RDM1: variants seen among roughly 807,000 people sequenced by gnomAD.
RDM1 encodes the protein RAD52 motif-containing protein 1.
A neutral mutation model predicts 27.7 loss-of-function variants in RDM1; 28 were observed. The observed-to-expected ratio is 1.01, with a 90% CI of 0.75 to 1.39. The LOEUF is 1.39. Among genes scored for constraint, RDM1 ranks in the 40% most tolerant of loss-of-function variants. RDM1 has a pLI of 0.00. For missense variants in RDM1, 277 were observed against 337.3 expected (o/e 0.82, Z 1.40); for synonymous variants, 124 against 127.5 (o/e 0.97, Z 0.19).
chr17:35,926,572 T>G (rs1401469558), intron 2 of RDM1, among the ~76,000 whole-genome samples: 2 of 151,946 alleles, frequency 1.3e-5, no homozygotes, highest in Admixed American at 6.6e-5. Flanking sequence ...CCCGGCTAAT[T>G]TTTTGTATTT....
Position 35,922,626 on chromosome 17 carries a change from A to T in RDM1, c.618T>A (p.Ile206=). ...GGAATGCATCTGACAAAGCCTTCTGAATAGCAAGCTTCTGGGCTGTCTTCC... is the reference window on the plus strand; with the variant it reads ...GGAATGCATCTGACAAAGCCTTCTGTATAGCAAGCTTCTGGGCTGTCTTCC... ...MKRKTAQKLA[I]QKALSDAFQK... The change falls in exon 5 of 7, where the codon ATT becomes ATA. Residue 206 remains isoleucine, a synonymous_variant. Transcript: ENST00000620284. 2 of 1,611,622 alleles carry T rather than the reference A, an allele frequency of 1.2e-6. No individual in the cohort carries two copies. Among genetic ancestry groups the T allele is most frequent in the South Asian group, 2.2e-5 (2 of 90,820 alleles).
In RDM1 at chr17:35,930,752, C is replaced by T. The variant is rs2089298757; in HGVS notation, c.-25G>A. The stretch of plus-strand genomic sequence containing the variant: ...TCCTCCCTTCACCGCACCTGCGCGG[C>T]TAACCCTCGCCCCAGCATTGCGCCT... On this transcript the variant is annotated 5_prime_UTR_variant, in exon 1 of 7. Transcript: ENST00000620284. 6.2e-7 allele frequency: 1 copy of T among 1,607,760 alleles called. No individual in the cohort carries two copies. Among genetic ancestry groups the T allele is most frequent in the Non-Finnish European group, 8.5e-7 (1 of 1,176,120 alleles).
At chr17:35,923,911 T>G (rs998121631) in intron 4 of RDM1, among the ~76,000 whole-genome samples, 3 of 151,850 alleles carry the variant, frequency 2.0e-5, no homozygotes, top group Non-Finnish European at 4.4e-5. Context: ...ATACAAAAGT[T>G]TATGTAAATC....
At chr17:35,925,776 A>G in intron 2 of RDM1, 139 bp from the exon 3 acceptor site, 2 of 936,492 alleles carry the variant, frequency 2.1e-6, no homozygotes, top group Non-Finnish European at 3.2e-6. Context: ...GCTTGAGAAT[A>G]TGACCTGAAT....
At chr17:35,922,553 C>G (rs2088982906) in intron 5 of RDM1, 24 bp downstream of exon 5, 2 of 1,601,990 alleles carry the variant, frequency 1.2e-6, no homozygotes. Context: ...TGAAGTACTT[C>G]AAGGATGATC....
At chr17:35,929,362 G>A (rs1410483747) in intron 2 of RDM1, among the ~76,000 whole-genome samples, 1 of 152,192 alleles carries the variant, frequency 6.6e-6, no homozygotes, top group East Asian at 1.9e-4. Context: ...CTGGGCTCAA[G>A]CGATCCTCCC....
intron 2 of RDM1, 26 bp from the exon 3 acceptor site, chr17:35,925,663 A>T: frequency 1.3e-6 from 2 of 1,590,668 alleles, no homozygotes; most frequent in African/African-American, 1.3e-5. Context: ...ATAGACCCAT[A>T]AATATCACAA....
chr17:35,930,618 T>C lies in RDM1; in HGVS notation c.96+14A>G. 2 of 1,610,306 alleles carry C rather than the reference T, an allele frequency of 1.2e-6. No homozygotes were observed. The highest frequency in any genetic ancestry group is 1.1e-5 in the South Asian group (1 of 90,906). The stretch of plus-strand genomic sequence containing the variant: ...GCTTTCTCCATCCCTCCCTCCATCC[T>C]GGCCCCGGCTCACATGCAAAGCCTC... On this transcript the variant is annotated intron_variant, in intron 1 of 6. Transcript: ENST00000620284.
chr17:35,921,180 G>A (rs2088932859), intron 5 of RDM1, among the ~76,000 whole-genome samples: 1 of 152,208 alleles, frequency 6.6e-6, no homozygotes, highest in African/African-American at 2.4e-5. Context: ...GAAGTTTTCA[G>A]TGTGTGCAAG....
intron 1 of RDM1, 113 bp downstream of exon 1, chr17:35,930,519 G>A: frequency 1.9e-6 from 2 of 1,036,002 alleles, no homozygotes; most frequent in Non-Finnish European, 2.8e-6. Flanking sequence ...TTATAATTAA[G>A]AGTCCTTCAG....
At position 35,918,272 on chromosome 17, in the gene RDM1, G is replaced by T. The variant is rs534167295; in HGVS notation, c.*70C>A. On this transcript the variant is annotated 3_prime_UTR_variant, in exon 7 of 7. Transcript: ENST00000620284. Reference sequence around the variant, plus strand: ...TCCAGCAGCCTATAGTGGTGGGGCGGCGTGGGGTAGGGGCACGACAGAGCT... The same window carrying T: ...TCCAGCAGCCTATAGTGGTGGGGCGTCGTGGGGTAGGGGCACGACAGAGCT... The T allele has an allele frequency of 1.5e-6, 2 of 1,337,052 alleles. No homozygotes were observed. The highest frequency in any genetic ancestry group is 1.2e-5 in the South Asian group (1 of 83,874). 82.8% of individuals were successfully genotyped at this position (1,337,052 alleles called of 1,614,324 possible).
intron 4 of RDM1, among the ~76,000 whole-genome samples, chr17:35,923,897 G>A (rs1416936624): frequency 6.6e-6 from 1 of 152,004 alleles, no homozygotes; most frequent in Non-Finnish European, 1.5e-5. Flanking sequence ...GGAACTGAAT[G>A]TTTATACAAA....
chr17:35,919,389 C>A (rs9890583), intron 6 of RDM1, among the ~76,000 whole-genome samples: 25,375 of 152,098 alleles, frequency 0.17, 2,230 homozygotes, highest in South Asian at 0.28. Flanking sequence ...TGATTTCACC[C>A]TTGTGCTAAC....
chr17:35,927,796 G>T lies in RDM1; in HGVS notation c.277-2159C>A, dbSNP rs2089200597. Among the ~76,000 whole-genome samples the T allele has an allele frequency of 2.0e-5, 3 of 152,016 alleles. No individual in the cohort carries two copies. The East Asian group carries it at 5.8e-4, about 29-fold the overall frequency. Reference sequence around the variant, plus strand: ...CTCAAAACCTAAAGCTTATGAAATGGTCTCAATGTCCAAAGAGCACTAAAA... The same window carrying T: ...CTCAAAACCTAAAGCTTATGAAATGTTCTCAATGTCCAAAGAGCACTAAAA... On this transcript the variant is annotated intron_variant, in intron 2 of 6. Coordinates refer to ENST00000620284, the MANE Select transcript of RDM1 (RefSeq NM_145654.4).
intron 6 of RDM1, among the ~76,000 whole-genome samples, chr17:35,918,874 A>G (rs548467877): frequency 6.6e-6 from 1 of 152,358 alleles, no homozygotes; most frequent in East Asian, 1.9e-4. Context: ...GTCTGGCACA[A>G]TCACCAGCAT....
intron 4 of RDM1, among the ~76,000 whole-genome samples, chr17:35,923,741 C>T (rs1363688835): frequency 6.6e-6 from 1 of 152,114 alleles, no homozygotes; most frequent in Non-Finnish European, 1.5e-5. Context: ...ACTCCATTAG[C>T]CTACAGCCCT....
chr17:35,920,123 G>T, intron 6 of RDM1, 64 bp downstream of exon 6: 2 of 800,972 alleles, frequency 2.5e-6, no homozygotes, highest in Admixed American at 2.4e-5. Context: ...TCCAAATTAT[G>T]CTGCTTTTTT....
chr17:35,925,485 G>C, intron 3 of RDM1, 30 bp downstream of exon 3: 1 of 1,610,098 alleles, frequency 6.2e-7, no homozygotes, highest in South Asian at 1.1e-5. Flanking sequence ...AGGAGAGTGT[G>C]GTAAGTGAAA....
intron 2 of RDM1, 134 bp downstream of exon 2, chr17:35,929,942 C>T: frequency 1.2e-6 from 1 of 855,940 alleles, no homozygotes; most frequent in Non-Finnish European, 1.8e-6. Context: ...TGTAAAAAAC[C>T]CAGAGAACTG....
Sources: allele counts gnomAD v4.1 joint callset (sites outside exome capture counted in the v4.1 genomes callset), GRCh38; gene constraint gnomAD v4.1.1; transcripts MANE v1.5; gene names NCBI Gene and HGNC (gene_info 2026-07-23, HGNC 2026-07-21).